The following ZNF420 variants were observed in gnomAD, a reference collection of about 807,000 sequenced individuals.
ZNF420 encodes the protein zinc finger protein 420.
Under a neutral mutation model 44.7 loss-of-function variants are expected in ZNF420, and 31 were observed. The ratio of observed to expected loss-of-function variants is 0.69; its 90% CI spans 0.52 to 0.94. The LOEUF (loss-of-function observed/expected upper bound fraction) is 0.94. Among genes scored for constraint, ZNF420 ranks in the 40% least tolerant of loss-of-function variants. ZNF420 has a pLI of 0.00. For missense variants in ZNF420, 681 were observed against 827.9 expected (o/e 0.82, Z 2.18); for synonymous variants, 245 against 267.4 (o/e 0.92, Z 0.82).
chr19:37,023,503 T>TTACA (rs1325465253), intron 1 of ZNF420, among the ~76,000 whole-genome samples: 3 of 151,986 alleles, frequency 2.0e-5, no homozygotes, highest in Non-Finnish European at 4.4e-5. Context: ...GTAGCTGGGA[T>TTACA]TACAGGTGCA....
intron 1 of ZNF420, among the ~76,000 whole-genome samples, chr19:37,048,577 T>C (rs1967580614): frequency 1.3e-5 from 2 of 152,206 alleles, no homozygotes; most frequent in Admixed American, 1.3e-4. Flanking sequence ...TATAAATCAA[T>C]ATACTAGTGT....
upstream of ZNF420, among the ~76,000 whole-genome samples, chr19:37,076,996 G>A (rs1040389940): frequency 3.9e-5 from 6 of 152,032 alleles, no homozygotes; most frequent in Non-Finnish European, 7.4e-5. Context: ...TCACATTACC[G>A]GTAAGAGATC....
intron 1 of ZNF420, among the ~76,000 whole-genome samples, chr19:37,070,880 C>G (rs938710710): frequency 1.1e-4 from 17 of 152,222 alleles, no homozygotes; most frequent in African/African-American, 4.1e-4. Context: ...CATATATATC[C>G]TAGAACAGGG....
rs982401352 is a variant in ZNF420, at chr19:37,129,304, C to G, written c.*246C>G. On this transcript the variant is annotated 3_prime_UTR_variant, in exon 5 of 5. Transcript: ENST00000337995. ...GGAAGCCCTTTAGCCATATTGAAAA[C>G]AAATATCTTTTTCAACGTTATCTTA... 1 of 469,534 alleles carries G rather than the reference C, an allele frequency of 2.1e-6. No homozygotes were observed. The highest frequency in any genetic ancestry group is 3.7e-6 in the Non-Finnish European group (1 of 268,086). The allele number at this position is 469,534 out of a possible 1,614,324, so 29.1% of individuals were successfully genotyped here.
At chr19:37,124,723 A>G (rs969397339) in intron 4 of ZNF420, among the ~76,000 whole-genome samples, 3 of 151,240 alleles carry the variant, frequency 2.0e-5, no homozygotes, top group Non-Finnish European at 4.4e-5. Flanking sequence ...CTGGCTTGCT[A>G]GTGGTGAGAT....
chr19:37,008,233 G>A (rs2074543241), intron 1 of ZNF420, among the ~76,000 whole-genome samples: 1 of 152,074 alleles, frequency 6.6e-6, no homozygotes. Flanking sequence ...GGGGATGTTT[G>A]TGTACCACTG....
chr19:37,020,975 A>G (rs1019011126), intron 1 of ZNF420, among the ~76,000 whole-genome samples: 8 of 152,228 alleles, frequency 5.3e-5, no homozygotes, highest in Non-Finnish European at 8.8e-5. Flanking sequence ...TTGTTCAACA[A>G]TATGAATGTC....
At chr19:37,073,749 A>C (rs893714749), upstream of ZNF420, among the ~76,000 whole-genome samples, 3 of 147,970 alleles carry the variant, frequency 2.0e-5, no homozygotes, top group Admixed American at 6.7e-5. Flanking sequence ...TGCCTGAAAA[A>C]AGAAAAAAAA....
intron 4 of ZNF420, among the ~76,000 whole-genome samples, chr19:37,122,470 G>A (rs536141842): frequency 6.6e-6 from 1 of 151,698 alleles, no homozygotes; most frequent in Non-Finnish European, 1.5e-5. Context: ...TTGTGGGGTG[G>A]GGGGAGGCGG....
At chr19:37,091,955 A>G (rs1969177347) in intron 4 of ZNF420, 1 of 150,246 alleles carries the variant, frequency 6.7e-6, no homozygotes, top group Admixed American at 6.6e-5. Context: ...AAGAACTTGC[A>G]TTGGACATTG....
intron 4 of ZNF420, among the ~76,000 whole-genome samples, chr19:37,118,823 G>A (rs1970847849): frequency 6.6e-6 from 1 of 151,916 alleles, no homozygotes; most frequent in Non-Finnish European, 1.5e-5. Flanking sequence ...TGCAATCCTA[G>A]TCTCTGATAA....
chr19:37,015,800 CTG>C (rs1336577638), intron 1 of ZNF420, among the ~76,000 whole-genome samples: 2 of 152,346 alleles, frequency 1.3e-5, no homozygotes, highest in African/African-American at 4.8e-5. Context: ...GGACTGCAAA[CTG>C]TGGCCTTTCT....
chr19:37,012,452 AGGCTCC>A (rs2074577155), intron 1 of ZNF420, among the ~76,000 whole-genome samples: 1 of 152,198 alleles, frequency 6.6e-6, no homozygotes, highest in African/African-American at 2.4e-5. Flanking sequence ...CGGGGCCCTG[AGGCTCC>A]GGCCTGACCT....
rs79386941 is a variant in ZNF420, at chr19:37,086,273, C to T, written c.-80-2766C>T. ...ACTGATCTGCCTGACCCTCTCTGAC[C>T]CTCTCCAGGTGCTATTTCATGGTTG... is the stretch of plus-strand genomic sequence containing the variant. On this transcript the variant is annotated intron_variant, in intron 2 of 4. Coordinates refer to ENST00000337995, the MANE Select transcript of ZNF420 (RefSeq NM_144689.5). Among the ~76,000 whole-genome samples the T allele has an allele frequency of 6.4e-4, 97 of 152,218 alleles. No individual in the cohort carries two copies. In the East Asian group the frequency reaches 0.017, roughly 26 times the overall value.
At chr19:37,104,021 T>A (rs1166039444) in intron 4 of ZNF420, among the ~76,000 whole-genome samples, 1 of 151,448 alleles carries the variant, frequency 6.6e-6, no homozygotes, top group Non-Finnish European at 1.5e-5. Flanking sequence ...AGGGTACATG[T>A]GCACAACGTG....
At chr19:37,098,351 G>A (rs1333700164) in intron 4 of ZNF420, among the ~76,000 whole-genome samples, 1 of 152,134 alleles carries the variant, frequency 6.6e-6, no homozygotes, top group Non-Finnish European at 1.5e-5. Context: ...ATGACCAGCA[G>A]ATACAAATGA....
intron 2 of ZNF420, among the ~76,000 whole-genome samples, chr19:37,082,758 G>A (rs73625257): frequency 0.013 from 2,004 of 152,226 alleles, 47 homozygotes; most frequent in African/African-American, 0.045. Context: ...TTTAAAAGTC[G>A]TCTACAATAA....
At chr19:37,081,386 C>G (rs1225504119) in intron 2 of ZNF420, among the ~76,000 whole-genome samples, 1 of 152,060 alleles carries the variant, frequency 6.6e-6, no homozygotes, top group Non-Finnish European at 1.5e-5. Flanking sequence ...GTGGAGTGTT[C>G]TATAAATGTC....
chr19:37,008,280 TTCTC>T lies in ZNF420; in HGVS notation c.-125+209_-125+212del, dbSNP rs534361132. On this transcript the variant is annotated intron_variant, in intron 1 of 4. Coordinates refer to the ZNF420 transcript ENST00000587029. ...TGTAGTGTGTGTGTGTCTCACTTTC[TTCTC>T]TCTCTCTCTCCCTCTGTTTCTTTCT... Among the ~76,000 whole-genome samples the T allele has an allele frequency of 5.7e-4, 87 of 151,906 alleles. No individual in the cohort carries two copies. The Middle Eastern group carries it at 0.01, about 18-fold the overall frequency.
Sources: gnomAD v4.1 joint callset for allele counts (sites outside exome capture counted in the v4.1 genomes callset) on GRCh38, gnomAD v4.1.1 for gene constraint, MANE v1.5 for transcripts, NCBI Gene and HGNC (gene_info 2026-07-23, HGNC 2026-07-21) for gene names.